The following PDE4D variants were observed in gnomAD, a reference collection of about 807,000 sequenced individuals.
The protein encoded by PDE4D is phosphodiesterase 4D, also known as 3',5'-cyclic-AMP phosphodiesterase 4D.
PDE4D carries 24 observed loss-of-function variants against 87.4 expected under a neutral mutation model. That is an observed-to-expected ratio of 0.27 (90% CI 0.20 to 0.39). The LOEUF (loss-of-function observed/expected upper bound fraction) is 0.39. PDE4D is among the 10% of genes least tolerant of loss of function. The probability of loss-of-function intolerance (pLI) is 1.00; values close to 1 mark genes in which losing one functional copy is unlikely to be tolerated. For missense variants in PDE4D, 714 were observed against 1,041.0 expected (o/e 0.69, Z 4.32); for synonymous variants, 384 against 383.2 (o/e 1.00, Z -0.02).
chr5:59,872,901 T>C (rs376003756), intron 1 of PDE4D, among the ~76,000 whole-genome samples: 24 of 152,260 alleles, frequency 1.6e-4, no homozygotes, highest in African/African-American at 5.1e-4. Context: ...AAGGTTTTTT[T>C]CATATGCCAC....
chr5:59,383,328 G>C (rs1169048025), intron 1 of PDE4D, among the ~76,000 whole-genome samples: 1 of 151,586 alleles, frequency 6.6e-6, no homozygotes, highest in African/African-American at 2.4e-5. Flanking sequence ...AAAATCGCAA[G>C]CCTGCTCCAG....
chr5:60,402,917 T>C (rs915771441), intron 1 of PDE4D, among the ~76,000 whole-genome samples: 2 of 152,144 alleles, frequency 1.3e-5, no homozygotes, highest in African/African-American at 4.8e-5. Flanking sequence ...AATCCCCACA[T>C]TGCCACCTTC....
intron 1 of PDE4D, among the ~76,000 whole-genome samples, chr5:59,554,127 C>T (rs894990917): frequency 1.8e-4 from 27 of 152,118 alleles, no homozygotes; most frequent in African/African-American, 6.5e-4. Context: ...GTCTCAGATC[C>T]TAAGTCCATA....
At chr5:60,438,534 G>A (rs1216402438) in intron 1 of PDE4D, among the ~76,000 whole-genome samples, 5 of 152,008 alleles carry the variant, frequency 3.3e-5, no homozygotes, top group Non-Finnish European at 7.4e-5. Flanking sequence ...ACTGAGCCTG[G>A]CATATACATG....
chr5:60,072,660 A>G (rs1245684708), intron 2 of PDE4D, among the ~76,000 whole-genome samples: 1 of 152,042 alleles, frequency 6.6e-6, no homozygotes, highest in East Asian at 1.9e-4. Flanking sequence ...TAAGTCTCTA[A>G]CCCATCTTGA....
At chr5:59,544,734 T>G (rs892625166) in intron 1 of PDE4D, among the ~76,000 whole-genome samples, 7 of 152,172 alleles carry the variant, frequency 4.6e-5, no homozygotes, top group African/African-American at 1.7e-4. Context: ...GTTAGCTGAA[T>G]TAGCAAGTGT....
intron 1 of PDE4D, among the ~76,000 whole-genome samples, chr5:59,759,881 G>T (rs970076705): frequency 3.3e-5 from 5 of 152,104 alleles, no homozygotes. Context: ...GCTCTTCTCC[G>T]GGTATTATTA....
chr5:59,691,397 A>T (rs557926402), intron 1 of PDE4D, among the ~76,000 whole-genome samples: 2 of 152,296 alleles, frequency 1.3e-5, no homozygotes, highest in South Asian at 2.1e-4. Context: ...GCCATAAAAA[A>T]TGATGAGTTC....
intron 2 of PDE4D, among the ~76,000 whole-genome samples, chr5:60,087,005 C>G (rs367830414): frequency 6.6e-6 from 1 of 152,288 alleles, no homozygotes; most frequent in African/African-American, 2.4e-5. Flanking sequence ...GGCCCAGAAA[C>G]AACTAAAAGT....
At chr5:60,189,099 A>C (rs911033228) in intron 1 of PDE4D, among the ~76,000 whole-genome samples, 1 of 152,212 alleles carries the variant, frequency 6.6e-6, no homozygotes, top group Non-Finnish European at 1.5e-5. Flanking sequence ...GCGAGAGAAC[A>C]CTCACACGTG....
intron 1 of PDE4D, among the ~76,000 whole-genome samples, chr5:59,792,154 C>T (rs2152648666): frequency 6.6e-6 from 1 of 152,072 alleles, no homozygotes; most frequent in Middle Eastern, 3.4e-3. Flanking sequence ...AAAGGGCTTC[C>T]CTGGGGAGGA....
intron 1 of PDE4D, among the ~76,000 whole-genome samples, chr5:59,765,295 T>C (rs1762643376): frequency 1.3e-5 from 2 of 152,208 alleles, no homozygotes; most frequent in African/African-American, 4.8e-5. Context: ...TGTATAATCT[T>C]CATCAAGGAG....
chr5:59,260,158 CA>C (rs1208533511), intron 1 of PDE4D, among the ~76,000 whole-genome samples: 2 of 151,780 alleles, frequency 1.3e-5, no homozygotes, highest in East Asian at 3.9e-4. Flanking sequence ...AGTTGGTTCC[CA>C]TTCTGAATTT....
upstream of PDE4D, chr5:59,893,832 C>T (rs1751343229): frequency 2.3e-6 from 3 of 1,321,362 alleles, no homozygotes; most frequent in African/African-American, 1.6e-5. Context: ...CGCGGCAGGG[C>T]TCCTTCCACC....
In PDE4D at chr5:59,547,785, T is replaced by C. The variant is rs555318940; in HGVS notation, c.456-331817A>G. 3.9e-5 allele frequency among the ~76,000 whole-genome samples: 6 copies of C among 152,302 alleles called. No homozygotes were observed. The South Asian group carries it at 1.2e-3, about 32-fold the overall frequency. On this transcript the variant is annotated intron_variant, in intron 1 of 14. Transcript: ENST00000340635. Reference sequence around the variant, plus strand: ...TTCTGATAAAGAATTCTGATTTTCCTTTGATTAATCCCCCTCCTACTGATG... The same window carrying C: ...TTCTGATAAAGAATTCTGATTTTCCCTTGATTAATCCCCCTCCTACTGATG...
At chr5:59,229,072 A>G (rs1754535702) in intron 1 of PDE4D, among the ~76,000 whole-genome samples, 2 of 151,620 alleles carry the variant, frequency 1.3e-5, no homozygotes, top group South Asian at 4.2e-4. Context: ...ACAGCTTCTG[A>G]TGAACTTTGT....
chr5:59,602,872 A>C (rs295952), intron 1 of PDE4D, among the ~76,000 whole-genome samples: 113,706 of 151,992 alleles, frequency 0.75, 42,944 homozygotes, highest in South Asian at 0.87. Context: ...AGAGAGCCAG[A>C]AATAAACCCC....
At chr5:60,208,683 T>G (rs1415794043) in intron 1 of PDE4D, among the ~76,000 whole-genome samples, 1 of 152,184 alleles carries the variant, frequency 6.6e-6, no homozygotes, top group East Asian at 1.9e-4. Flanking sequence ...TCCCATTGTA[T>G]TCTTATAAGC....
At chr5:59,032,259 T>TA (rs796664911) in intron 6 of PDE4D, among the ~76,000 whole-genome samples, 3 of 152,234 alleles carry the variant, frequency 2.0e-5, no homozygotes, top group African/African-American at 7.2e-5. Context: ...TAAAGATTAA[T>TA]AAAAAATACA....
Sources: gnomAD v4.1 joint callset for allele counts (sites outside exome capture counted in the v4.1 genomes callset) on GRCh38, gnomAD v4.1.1 for gene constraint, MANE v1.5 for transcripts, NCBI Gene and HGNC (gene_info 2026-07-23, HGNC 2026-07-21) for gene names.